The following NEK6 variants were observed in gnomAD, a reference collection of about 807,000 sequenced individuals.
NEK6 encodes the protein serine/threonine-protein kinase Nek6.
In NEK6, 27 loss-of-function variants were observed where a neutral mutation model predicts 43.5. The observed-to-expected ratio is 0.62, with a 90% CI of 0.46 to 0.86. The LOEUF is 0.86. Among genes scored for constraint, NEK6 ranks in the 40% least tolerant of loss-of-function variants. NEK6 has a pLI of 0.00. For missense variants in NEK6, 318 were observed against 414.4 expected (o/e 0.77, Z 2.02); for synonymous variants, 167 against 164.1 (o/e 1.02, Z -0.14).
At position 124,322,699 on chromosome 9, in the gene NEK6, C is replaced by A. The variant is rs147693476; in HGVS notation, c.405+1130C>A. ...CCTCTCTACCCTGGATGCAGCCTGC[C>A]TGCTCCCAAGTGAGGCTGGGCCCCG... On this transcript the variant is annotated intron_variant, in intron 5 of 9. Coordinates refer to ENST00000320246, the MANE Select transcript of NEK6 (RefSeq NM_014397.6). 3.5e-3 allele frequency among the ~76,000 whole-genome samples: 540 copies of A among 152,364 alleles called. 5 individuals carry two copies. Among genetic ancestry groups the A allele is most frequent in the African/African-American group, 0.012 (517 of 41,584 alleles).
intron 1 of NEK6, among the ~76,000 whole-genome samples, chr9:124,274,342 G>T (rs1399786716): frequency 6.6e-6 from 1 of 152,230 alleles, no homozygotes; most frequent in Non-Finnish European, 1.5e-5. Context: ...AGGGAAGGAG[G>T]GACCCAGCAT....
intron 4 of NEK6, among the ~76,000 whole-genome samples, chr9:124,319,349 A>G (rs1482683850): frequency 6.6e-6 from 1 of 151,890 alleles, no homozygotes. Context: ...GATTCTGGAC[A>G]TTAGTCCTTT....
chr9:124,305,746 TG>T (rs1420776283), intron 2 of NEK6, among the ~76,000 whole-genome samples: 2 of 152,218 alleles, frequency 1.3e-5, no homozygotes, highest in Middle Eastern at 3.4e-3. Flanking sequence ...GGACAGATGC[TG>T]GGAGAGCCCA....
intron 1 of NEK6, among the ~76,000 whole-genome samples, chr9:124,299,070 C>T (rs559209495): frequency 6.6e-6 from 1 of 152,362 alleles, no homozygotes; most frequent in Non-Finnish European, 1.5e-5. Context: ...CGCTAGGCTC[C>T]TCCCCAGTGG....
chr9:124,326,202 T>TTCCCCCCCCCCCCCCCCCCCCCCC lies in NEK6; in HGVS notation c.406-128_406-127insTCCCCCCCCCCCCCCCCCCCCCCC. ...GCTTATTGTTTGCTCAGTGGCTCAA[T>TTCCCCCCCCCCCCCCCCCCCCCCC]CCCCCCCCCCCGCCCCTGCCAGGCA... On this transcript the variant is annotated intron_variant, in intron 5 of 9. Coordinates refer to ENST00000320246, the MANE Select transcript of NEK6 (RefSeq NM_014397.6). This position sits in a 1 kb window ranked among gnomAD's most constrained non-coding sequence, Gnocchi z 4.5. 1 of 124,052 alleles carries TTCCCCCCCCCCCCCCCCCCCCCCC rather than the reference T, an allele frequency of 8.1e-6. No individual in the cohort carries two copies. Among genetic ancestry groups the TTCCCCCCCCCCCCCCCCCCCCCCC allele is most frequent in the Non-Finnish European group, 2.0e-5 (1 of 50,618 alleles). 7.7% of individuals were successfully genotyped at this position (124,052 alleles called of 1,614,324 possible).
chr9:124,291,780 G>A, intron 1 of NEK6: 1 of 979,188 alleles, frequency 1.0e-6, no homozygotes, highest in Non-Finnish European at 1.2e-6. Context: ...GGGTGGTGCT[G>A]CCATCAGATT....
Position 124,321,091 on chromosome 9 carries a change from C to T in NEK6, c.295-368C>T, listed in dbSNP as rs188922522. Reference sequence around the variant, plus strand: ...TGGGGCCCAATGCCGCCCTCAGGGTCGGGGTGGTGAGGAGGAGGGGGAGGG... The same window carrying T: ...TGGGGCCCAATGCCGCCCTCAGGGTTGGGGTGGTGAGGAGGAGGGGGAGGG... On this transcript the variant is annotated intron_variant, in intron 4 of 9. Coordinates refer to ENST00000320246, the MANE Select transcript of NEK6 (RefSeq NM_014397.6). Among the ~76,000 whole-genome samples the T allele has an allele frequency of 2.3e-3, 356 of 152,166 alleles. No homozygotes were observed. The Middle Eastern group carries it at 0.031, about 13-fold the overall frequency.
intron 8 of NEK6, among the ~76,000 whole-genome samples, chr9:124,340,240 G>A (rs1010256106): frequency 6.6e-6 from 1 of 152,022 alleles, no homozygotes; most frequent in East Asian, 1.9e-4. Context: ...CTGAGTTTCA[G>A]TGAGCCCAGA....
chr9:124,290,221 T>C (rs1013124199), intron 1 of NEK6, among the ~76,000 whole-genome samples: 1 of 152,208 alleles, frequency 6.6e-6, no homozygotes, highest in African/African-American at 2.4e-5. Context: ...GCCTGGCCTA[T>C]CTGGAGCCTT....
chr9:124,274,388 G>A (rs7853472), intron 1 of NEK6, among the ~76,000 whole-genome samples: 50,476 of 152,174 alleles, frequency 0.33, 8,670 homozygotes, highest in Non-Finnish European at 0.38. Context: ...CACTGTGCTG[G>A]CCAAAATTTG....
chr9:124,313,699 C>T (rs1014517350), intron 3 of NEK6, among the ~76,000 whole-genome samples: 1 of 152,058 alleles, frequency 6.6e-6, no homozygotes, highest in Non-Finnish European at 1.5e-5. Flanking sequence ...CACCTGGGCT[C>T]TCTGTCTTGG....
chr9:124,307,979 C>A (rs1833343262), intron 2 of NEK6, among the ~76,000 whole-genome samples: 2 of 152,220 alleles, frequency 1.3e-5, no homozygotes, highest in African/African-American at 2.4e-5. Context: ...GCCCATTCGA[C>A]AGATAGCAGC....
chr9:124,279,029 A>T (rs913784770), intron 1 of NEK6, among the ~76,000 whole-genome samples: 1 of 152,056 alleles, frequency 6.6e-6, no homozygotes, highest in Admixed American at 6.6e-5. Context: ...GAGGTGATCA[A>T]TTTGGGCGAA....
intron 1 of NEK6, among the ~76,000 whole-genome samples, chr9:124,290,911 C>G (rs965382443): frequency 6.6e-6 from 1 of 152,212 alleles, no homozygotes; most frequent in Non-Finnish European, 1.5e-5. Context: ...GTTCCAGGGC[C>G]TGCTCCTGGG....
chr9:124,339,715 G>C (rs956286440), intron 8 of NEK6, 50 bp downstream of exon 8: 2 of 1,380,382 alleles, frequency 1.4e-6, no homozygotes, highest in Non-Finnish European at 2.1e-6. Flanking sequence ...ATGCATGGGG[G>C]GTGCCCAGTT....
At chr9:124,312,309 G>A (rs1488968023) in intron 2 of NEK6, among the ~76,000 whole-genome samples, 200 bp from the exon 3 acceptor site, 1 of 152,170 alleles carries the variant, frequency 6.6e-6, no homozygotes, top group Non-Finnish European at 1.5e-5. Context: ...CACCTGCACT[G>A]GGGGTCCTTG....
intron 1 of NEK6, among the ~76,000 whole-genome samples, chr9:124,280,365 C>A (rs1300639967): frequency 6.6e-6 from 1 of 152,210 alleles, no homozygotes; most frequent in Non-Finnish European, 1.5e-5. Context: ...TGGAAGGGTA[C>A]GGCGTCAGAC....
chr9:124,320,451 CCAA>C (rs1254587219), intron 4 of NEK6, among the ~76,000 whole-genome samples: 1 of 151,870 alleles, frequency 6.6e-6, no homozygotes, highest in Non-Finnish European at 1.5e-5. Context: ...CATCCTTCTC[CCAA>C]CGACTTCCGG....
intron 1 of NEK6, among the ~76,000 whole-genome samples, chr9:124,285,107 T>C (rs1013432465): frequency 5.9e-5 from 9 of 152,218 alleles, no homozygotes; most frequent in African/African-American, 1.9e-4. Flanking sequence ...AATTTCGTTT[T>C]GGAAGGCAAG....
Sources: allele counts gnomAD v4.1 joint callset (sites outside exome capture counted in the v4.1 genomes callset), GRCh38; gene constraint gnomAD v4.1.1; non-coding constraint Gnocchi (gnomAD v3.1); transcripts MANE v1.5; gene names NCBI Gene and HGNC (gene_info 2026-07-23, HGNC 2026-07-21).